Variants in CHODL observed in about 807,000 individuals in gnomAD.
CHODL encodes chondrolectin.
CHODL carries 29 observed loss-of-function variants against 34.5 expected under a neutral mutation model. The observed-to-expected ratio is 0.84, with a 90% CI of 0.63 to 1.15. CHODL has a LOEUF of 1.15. Ranked by LOEUF, CHODL falls within the 50% of genes most tolerant of loss-of-function variation. The pLI is 0.00. For synonymous variants in CHODL, 125 were observed against 116.1 expected (o/e 1.08, Z -0.49); for missense variants, 332 against 332.5 (o/e 1.00, Z 0.01).
At chr21:18,147,488 G>A (rs1162792538) in intron 2 of CHODL, among the ~76,000 whole-genome samples, 4 of 152,200 alleles carry the variant, frequency 2.6e-5, no homozygotes, top group Non-Finnish European at 5.9e-5. Flanking sequence ...AGATCTTAGA[G>A]AAAGCAATTC....
At chr21:17,943,018 T>G (rs1226035328) in intron 1 of CHODL, among the ~76,000 whole-genome samples, 2 of 152,170 alleles carry the variant, frequency 1.3e-5, no homozygotes, top group Admixed American at 6.5e-5. Context: ...CGATTGTAAG[T>G]TTCCTGAGGC....
intron 2 of CHODL, among the ~76,000 whole-genome samples, chr21:18,156,716 A>G (rs2073039158): frequency 6.6e-6 from 1 of 152,178 alleles, no homozygotes; most frequent in South Asian, 2.1e-4. Context: ...AAACAAACCA[A>G]CCCAAACTTG....
chr21:18,125,334 T>C (rs1210799919), intron 2 of CHODL, among the ~76,000 whole-genome samples: 3 of 152,188 alleles, frequency 2.0e-5, no homozygotes, highest in Admixed American at 6.5e-5. Context: ...CTGTTATGGA[T>C]ACTTGGATTA....
At chr21:18,165,305 G>A (rs758209819) in intron 2 of CHODL, among the ~76,000 whole-genome samples, 15 of 152,066 alleles carry the variant, frequency 9.9e-5, no homozygotes, top group African/African-American at 1.7e-4. Flanking sequence ...TTTTTATTTC[G>A]TCGATCCACT....
chr21:18,250,766 G>GA (rs938370289), intron 1 of CHODL, among the ~76,000 whole-genome samples: 2 of 151,492 alleles, frequency 1.3e-5, no homozygotes, highest in African/African-American at 4.8e-5. Flanking sequence ...TTATGAAAAA[G>GA]AAAAAAATAT....
chr21:18,141,197 C>T (rs1320181753), intron 2 of CHODL, among the ~76,000 whole-genome samples: 1 of 152,004 alleles, frequency 6.6e-6, no homozygotes, highest in African/African-American at 2.4e-5. Flanking sequence ...GACCCTTGAG[C>T]TTTATTTGGC....
chr21:17,994,622 A>T (rs961673084), intron 1 of CHODL, among the ~76,000 whole-genome samples: 4 of 152,124 alleles, frequency 2.6e-5, no homozygotes, highest in Non-Finnish European at 5.9e-5. Context: ...GTGTGTATGC[A>T]CTGGCAACGG....
intron 1 of CHODL, among the ~76,000 whole-genome samples, chr21:17,920,522 C>G (rs2063175089): frequency 6.6e-6 from 1 of 152,200 alleles, no homozygotes; most frequent in African/African-American, 2.4e-5. Flanking sequence ...GGGTTCCTCC[C>G]ATGACATATG....
In CHODL at chr21:18,030,647, C is replaced by T. The variant is rs137877451; in HGVS notation, c.-45+2676C>T. ...TTTCTGTTGGTTGCAATGAAGAATG[C>T]AGAAATTGTTACTAGGAATAGAAAT... On this transcript the variant is annotated intron_variant, in intron 2 of 6. Transcript: ENST00000400127. Among the ~76,000 whole-genome samples the T allele has an allele frequency of 6.8e-3, 1,031 of 152,152 alleles. 19 individuals are homozygous for T. The highest frequency in any genetic ancestry group is 0.024 in the African/African-American group (984 of 41,522).
At chr21:18,123,329 G>A (rs995735878) in intron 2 of CHODL, among the ~76,000 whole-genome samples, 2 of 152,152 alleles carry the variant, frequency 1.3e-5, no homozygotes, top group Non-Finnish European at 2.9e-5. Context: ...CTGTAGATAC[G>A]GTTCCCCAGA....
At chr21:17,971,603 G>T (rs1025041054) in intron 1 of CHODL, among the ~76,000 whole-genome samples, 2 of 151,752 alleles carry the variant, frequency 1.3e-5, no homozygotes, top group Non-Finnish European at 2.9e-5. Flanking sequence ...TTGTAAATTT[G>T]TTTAAGATCT....
chr21:17,921,906 A>G (rs1230886784), intron 1 of CHODL, among the ~76,000 whole-genome samples: 2 of 152,250 alleles, frequency 1.3e-5, no homozygotes, highest in Non-Finnish European at 2.9e-5. Context: ...TGCTTTACCA[A>G]ATTATCTCAG....
intron 1 of CHODL, among the ~76,000 whole-genome samples, chr21:18,027,692 G>A (rs1186123795): frequency 6.6e-6 from 1 of 152,156 alleles, no homozygotes; most frequent in African/African-American, 2.4e-5. Flanking sequence ...TAGACTGAAT[G>A]CTTGTATCCC....
chr21:18,245,361 C>T (rs2074126864), intron 1 of CHODL, 59 bp downstream of exon 1: 1 of 1,386,810 alleles, frequency 7.2e-7, no homozygotes, highest in Non-Finnish European at 9.6e-7. Flanking sequence ...CGGGGCGCGG[C>T]GGGCAGCCTG....
intron 1 of CHODL, among the ~76,000 whole-genome samples, chr21:18,248,967 A>G (rs1289962181): frequency 1.8e-5 from 2 of 111,214 alleles, no homozygotes; most frequent in South Asian, 4.6e-4. Context: ...TAATATATAC[A>G]TATATGTAAA....
At chr21:18,100,781 G>A (rs1163104306) in intron 2 of CHODL, among the ~76,000 whole-genome samples, 1 of 152,128 alleles carries the variant, frequency 6.6e-6, no homozygotes, top group Non-Finnish European at 1.5e-5. Context: ...AGCTTGTTGA[G>A]TGTGTGTACA....
chr21:18,083,470 A>T (rs157050), intron 2 of CHODL, among the ~76,000 whole-genome samples: 1 of 151,906 alleles, frequency 6.6e-6, no homozygotes, highest in African/African-American at 2.4e-5. Context: ...GTCCTCCAGA[A>T]CCCAGAATGG....
chr21:18,181,689 C>G (rs907515141), intron 2 of CHODL, among the ~76,000 whole-genome samples: 3 of 152,194 alleles, frequency 2.0e-5, no homozygotes, highest in Admixed American at 1.3e-4. Context: ...CGCGCCCAGC[C>G]AAGAATCACA....
chr21:18,174,730 T>C (rs1423071754), intron 2 of CHODL, among the ~76,000 whole-genome samples: 1 of 152,216 alleles, frequency 6.6e-6, no homozygotes, highest in Non-Finnish European at 1.5e-5. Context: ...AGAGCTTGTT[T>C]GTCAGGCCTG....
Sources: allele counts gnomAD v4.1 joint callset (sites outside exome capture counted in the v4.1 genomes callset), GRCh38; gene constraint gnomAD v4.1.1; transcripts MANE v1.5; gene names NCBI Gene and HGNC (gene_info 2026-07-23, HGNC 2026-07-21).